CLK4: variants seen among roughly 807,000 people sequenced by gnomAD.
CLK4 encodes CDC like kinase 4.
In CLK4, 37 loss-of-function variants were observed where a neutral mutation model predicts 64.4. That is an observed-to-expected ratio of 0.57 (90% CI 0.44 to 0.76). The LOEUF (loss-of-function observed/expected upper bound fraction) is 0.76, where lower values mean the gene tolerates loss of function less well. Ranked by LOEUF, CLK4 falls within the 30% of genes least tolerant of loss-of-function variation. The probability of loss-of-function intolerance (pLI) is 0.00; values close to 1 mark genes in which losing one functional copy is unlikely to be tolerated. For missense variants in CLK4, 457 were observed against 605.1 expected (o/e 0.76, Z 2.57); for synonymous variants, 175 against 191.6 (o/e 0.91, Z 0.72).
chr5:178,623,872 GTTA>G (rs1764744203), intron 1 of CLK4, among the ~76,000 whole-genome samples: 2 of 152,200 alleles, frequency 1.3e-5, no homozygotes, highest in South Asian at 4.1e-4. Context: ...TTCCAATTAA[GTTA>G]TTGACATATT....
At chr5:178,614,966 C>T (rs1025359716) in intron 5 of CLK4, among the ~76,000 whole-genome samples, 2 of 152,296 alleles carry the variant, frequency 1.3e-5, no homozygotes. Flanking sequence ...CAATGCTAGA[C>T]AGTCAGATAT....
At position 178,603,948 on chromosome 5, in the gene CLK4, A is replaced by AAG; in HGVS notation, c.1215-15_1215-14insCT. On this transcript the variant is annotated splice_polypyrimidine_tract_variant and intron_variant, in intron 11 of 12. Transcript: ENST00000316308. Reference sequence around the variant, plus strand: ...TACTTGCGTTTTCTACAGAAAAAAAAAAAAAGTCTGGATTAGTAAAATAAC... The same window carrying AAG: ...TACTTGCGTTTTCTACAGAAAAAAAAAGAAAAAGTCTGGATTAGTAAAATAAC... 1 of 1,581,860 alleles carries AAG rather than the reference A, an allele frequency of 6.3e-7. No homozygotes were observed. The highest frequency in any genetic ancestry group is 8.6e-7 in the Non-Finnish European group (1 of 1,166,788).
intron 5 of CLK4, 129 bp downstream of exon 5, chr5:178,616,753 A>G: frequency 1.5e-6 from 1 of 662,706 alleles, no homozygotes; most frequent in South Asian, 2.0e-5. Context: ...CCAAGATAGC[A>G]CCACTGCACT....
chr5:178,619,948 C>T (rs1351386136), intron 2 of CLK4: 1 of 480,334 alleles, frequency 2.1e-6, no homozygotes, highest in African/African-American at 2.0e-5. Context: ...CTAAAATAAG[C>T]CTAACAAGCA....
At chr5:178,626,839 C>G (rs902087238) in intron 1 of CLK4, 107 bp downstream of exon 1, 1 of 152,736 alleles carries the variant, frequency 6.5e-6, no homozygotes, top group Non-Finnish European at 1.5e-5. Flanking sequence ...ACTCCCAACT[C>G]AGCTCCAGAA....
chr5:178,607,161 G>C (rs1236821578), intron 10 of CLK4, among the ~76,000 whole-genome samples: 1 of 149,748 alleles, frequency 6.7e-6, no homozygotes, highest in Non-Finnish European at 1.5e-5. Context: ...CTCTAAATAA[G>C]GGTCAGAATG....
rs754474316 is a variant in CLK4 at position 178,618,771 on chromosome 5, A to T, written c.169T>A (p.Leu57Ile). 4 of 1,611,772 alleles carry T rather than the reference A, an allele frequency of 2.5e-6. No homozygotes were observed. In the South Asian group the frequency reaches 4.4e-5, roughly 18 times the overall value. The change falls in exon 3 of 13, where the codon TTA becomes ATA. Residue 57 changes from leucine (L) to isoleucine (I), a missense_variant. Coordinates refer to ENST00000316308, the MANE Select transcript of CLK4 (RefSeq NM_020666.3). ...CGCTCATTCAAGGACCTTGCTTCTAAATAATGACTGCAAACACATTAAAAG... is the reference window on the plus strand; with the variant it reads ...CGCTCATTCAAGGACCTTGCTTCTATATAATGACTGCAAACACATTAAAAG... ...HQFKESDCHY[L>I]EARSLNERDY...
Position 178,618,732 on chromosome 5 carries a change from G to A in CLK4, c.208C>T (p.Arg70Trp), listed in dbSNP as rs1013643418. ...TTCCTGTATTCGTCAACGTATCTCC[G>A]GTCCCGATAATCTCGCTCATTCAAG... ...RSLNERDYRD[R>W]RYVDEYRNDY... The change falls in exon 3 of 13, where the codon CGG becomes TGG. Residue 70 changes from arginine (R) to tryptophan (W), a missense_variant. Coordinates refer to ENST00000316308, the MANE Select transcript of CLK4 (RefSeq NM_020666.3). The A allele has an allele frequency of 3.1e-6, 5 of 1,613,674 alleles. No homozygotes were observed. The highest frequency in any genetic ancestry group is 4.2e-6 in the Non-Finnish European group (5 of 1,179,810).
chr5:178,609,812 G>A (rs571690525), intron 9 of CLK4, among the ~76,000 whole-genome samples: 3 of 150,964 alleles, frequency 2.0e-5, no homozygotes, highest in Non-Finnish European at 3.0e-5. Context: ...AGGAGGCTGA[G>A]GCAGGAGAAT....
rs528410170 is a variant in CLK4 at position 178,623,375 on chromosome 5, G to C, written c.42C>G (p.Ser14Arg). 1 of 1,613,936 alleles carries C rather than the reference G, an allele frequency of 6.2e-7. No individual in the cohort carries two copies. The highest frequency in any genetic ancestry group is 1.1e-5 in the South Asian group (1 of 91,064). ...AGCTTTCATGTCCCCAGCTTTCTCT[G>C]CTATCCCAATCAGGACAGTGAGTTC... is the stretch of plus-strand genomic sequence containing the variant. ...SKRTHCPDWD[S>R]RESWGHESYR... is the part of the protein sequence containing the mutation. The change falls in exon 2 of 13, where the codon AGC (serine) becomes AGG (arginine). Residue 14 changes from serine (S) to arginine (R), a missense_variant. Physicochemically the swap from Ser to Arg is moderately radical, Grantham distance 110 (BLOSUM62 -1). Coordinates refer to ENST00000316308, the MANE Select transcript of CLK4 (RefSeq NM_020666.3).
intron 3 of CLK4, chr5:178,618,142 T>C (rs1362337057): frequency 1.3e-5 from 2 of 152,538 alleles, no homozygotes; most frequent in African/African-American, 4.8e-5. Context: ...CTATGCAGGT[T>C]AGTAACATTC....
At chr5:178,615,187 T>C (rs553725812) in intron 5 of CLK4, among the ~76,000 whole-genome samples, 4 of 151,760 alleles carry the variant, frequency 2.6e-5, no homozygotes, top group East Asian at 1.9e-4. Context: ...TCCATCTCAT[T>C]AAAAAAAAAT....
chr5:178,604,037 A>G (rs1482173705), intron 11 of CLK4, 103 bp from the exon 12 acceptor site: 2 of 761,130 alleles, frequency 2.6e-6, no homozygotes, highest in East Asian at 5.3e-5. Flanking sequence ...CTCTAAGTGT[A>G]TAGACTTATA....
intron 9 of CLK4, among the ~76,000 whole-genome samples, chr5:178,609,967 C>T (rs1764533440): frequency 6.6e-6 from 1 of 151,710 alleles, no homozygotes; most frequent in African/African-American, 2.4e-5. Context: ...ATACAAAATC[C>T]GTAAATGCTA....
intron 9 of CLK4, among the ~76,000 whole-genome samples, chr5:178,611,086 A>AGG (rs567857210): frequency 2.7e-5 from 4 of 150,056 alleles, no homozygotes; most frequent in African/African-American, 7.4e-5. Context: ...GAAAAAAAAA[A>AGG]GGGGGGGGTT....
At chr5:178,622,065 G>C (rs552822200) in intron 2 of CLK4, 1 of 152,132 alleles carries the variant, frequency 6.6e-6, no homozygotes, top group Non-Finnish European at 1.5e-5. Context: ...TCATGTTTAC[G>C]TAGTTAACTA....
intron 10 of CLK4, among the ~76,000 whole-genome samples, chr5:178,606,032 A>T (rs1013197071): frequency 2.0e-5 from 3 of 152,244 alleles, no homozygotes; most frequent in African/African-American, 4.8e-5. Context: ...AACACTTTTA[A>T]AAGAAATCTA....
intron 9 of CLK4, among the ~76,000 whole-genome samples, chr5:178,610,717 G>C (rs150811576): frequency 3.0e-4 from 46 of 151,820 alleles, no homozygotes; most frequent in African/African-American, 1.0e-3. Flanking sequence ...AGGAGTTCGA[G>C]ACCAGCCTGT....
At chr5:178,625,760 G>A (rs565391444) in intron 1 of CLK4, among the ~76,000 whole-genome samples, 1 of 152,292 alleles carries the variant, frequency 6.6e-6, no homozygotes, top group South Asian at 2.1e-4. Context: ...GCTCCGTTGT[G>A]AGAGTCCAAA....
Sources: allele counts gnomAD v4.1 joint callset (sites outside exome capture counted in the v4.1 genomes callset), GRCh38; gene constraint gnomAD v4.1.1; transcripts MANE v1.5; gene names NCBI Gene and HGNC (gene_info 2026-07-23, HGNC 2026-07-21).